The following ROCK1 variants were observed in gnomAD, a reference collection of about 807,000 sequenced individuals.
ROCK1 encodes the protein Rho associated coiled-coil containing protein kinase 1, also known as rho-associated protein kinase 1.
ROCK1 carries 36 observed loss-of-function variants against 196.8 expected under a neutral mutation model. That is an observed-to-expected ratio of 0.18 (90% confidence interval 0.14 to 0.24). ROCK1 has a LOEUF of 0.24. ROCK1 is among the 10% of genes least tolerant of loss of function. The pLI is 1.00. For missense variants in ROCK1, 920 were observed against 1,562.0 expected (o/e 0.59, Z 6.93); for synonymous variants, 443 against 515.9 (o/e 0.86, Z 1.91).
At chr18:20,990,693 C>CAAAAAAAAAAAAAAA (rs1170099682) in intron 18 of ROCK1, among the ~76,000 whole-genome samples, 1 of 22,598 alleles carries the variant, frequency 4.4e-5, no homozygotes, top group Non-Finnish European at 1.2e-4. Flanking sequence ...AACTTCGTCT[C>CAAAAAAAAAAAAAAA]AAAAAAAAAA....
intron 29 of ROCK1, among the ~76,000 whole-genome samples, chr18:20,959,085 T>TATAATATA (rs1491477779): frequency 4.7e-4 from 16 of 33,708 alleles, no homozygotes; most frequent in African/African-American, 3.2e-3. Flanking sequence ...AATATATATA[T>TATAATATA]TTTATATAAT....
At position 21,008,109 on chromosome 18, in the gene ROCK1, T is replaced by C; in HGVS notation, c.1496A>G (p.Gln499Arg). ...MLLQHRINEY[Q>R]RKAEQENEKR... ...CTCATTTTCCTGTTCAGCTTTTCTT[T>C]GGTACTCATTAATTCTATGCTGTAG... The change falls in exon 14 of 33, where the codon CAA (glutamine) becomes CGA (arginine). Residue 499 changes from glutamine (Q) to arginine (R), a missense_variant. By Grantham distance (43) the Gln-to-Arg change is conservative. Transcript: ENST00000399799. 1.9e-6 allele frequency: 3 copies of C among 1,606,762 alleles called. No individual in the cohort carries two copies. Among genetic ancestry groups the C allele is most frequent in the Non-Finnish European group, 2.6e-6 (3 of 1,175,466 alleles).
intron 1 of ROCK1, among the ~76,000 whole-genome samples, chr18:21,090,926 A>C (rs2036564357): frequency 6.6e-6 from 1 of 152,232 alleles, no homozygotes; most frequent in Non-Finnish European, 1.5e-5. Context: ...TTAGGGAAAA[A>C]AAATTAATCT....
chr18:20,952,975 G>A (rs1414757167), intron 32 of ROCK1, among the ~76,000 whole-genome samples: 1 of 152,092 alleles, frequency 6.6e-6, no homozygotes, highest in Non-Finnish European at 1.5e-5. Flanking sequence ...GCCTGTCGAG[G>A]GATGGGGGGC....
chr18:20,973,905 C>A (rs1362317670), intron 22 of ROCK1, among the ~76,000 whole-genome samples: 1 of 151,382 alleles, frequency 6.6e-6, no homozygotes. Context: ...CTCAGCCTCC[C>A]GAGTAGCTGG....
In ROCK1 at chr18:21,006,614, C is replaced by CA. The variant is rs2035771140; in HGVS notation, c.1639-18dup. On this transcript the variant is annotated splice_polypyrimidine_tract_variant and intron_variant, in intron 15 of 32. Transcript: ENST00000399799. ...TTCTTCTAGCTATTTAAAAAGAAAG[C>CA]AAAAAAATAGGTTTCTGACCAAAGT... is the stretch of plus-strand genomic sequence containing the variant. 6 of 1,597,274 alleles carry CA rather than the reference C, an allele frequency of 3.8e-6. No individual in the cohort carries two copies. The Admixed American group carries it at 9.0e-5, about 24-fold the overall frequency.
intron 22 of ROCK1, among the ~76,000 whole-genome samples, chr18:20,973,873 C>T (rs1303262425): frequency 1.3e-5 from 2 of 151,158 alleles, no homozygotes; most frequent in Admixed American, 6.6e-5. Flanking sequence ...CGGCTCCTCC[C>T]GGGTTCACGC....
chr18:21,060,925 A>G (rs1464342607), intron 2 of ROCK1, among the ~76,000 whole-genome samples: 1 of 152,100 alleles, frequency 6.6e-6, no homozygotes, highest in Non-Finnish European at 1.5e-5. Flanking sequence ...ATTGCCCCAA[A>G]CAGGAAATAA....
intron 12 of ROCK1, among the ~76,000 whole-genome samples, chr18:21,016,995 A>G (rs968423219): frequency 6.6e-6 from 1 of 151,138 alleles, no homozygotes. Flanking sequence ...AAGGTCTCTT[A>G]CCTCACGGCC....
chr18:21,052,429 G>C (rs1282314851), intron 2 of ROCK1, among the ~76,000 whole-genome samples: 1 of 152,180 alleles, frequency 6.6e-6, no homozygotes, highest in African/African-American at 2.4e-5. Context: ...AGTCATGTAA[G>C]AAACCCACTC....
chr18:21,102,841 G>T (rs1375041639), intron 1 of ROCK1, among the ~76,000 whole-genome samples: 1 of 151,954 alleles, frequency 6.6e-6, no homozygotes. Flanking sequence ...ACTTCAGCCT[G>T]GGTGACAGGG....
chr18:21,028,710 G>T, intron 10 of ROCK1, 66 bp downstream of exon 10: 2 of 1,379,706 alleles, frequency 1.4e-6, no homozygotes, highest in Non-Finnish European at 2.0e-6. Context: ...CTTTAAAAAT[G>T]ATTTTTAGAT....
rs1459707924 is a variant in ROCK1 at position 21,006,068 on chromosome 18, T to C, written c.1885+283A>G. ...AATATTCCTTCCATTGATAGATGAGTGGATGAACAAAATGTGGTATACACA... is the reference window on the plus strand; with the variant it reads ...AATATTCCTTCCATTGATAGATGAGCGGATGAACAAAATGTGGTATACACA... On this transcript the variant is annotated intron_variant, in intron 16 of 32. Transcript: ENST00000399799. Among the ~76,000 whole-genome samples the C allele has an allele frequency of 4.6e-5, 7 of 151,896 alleles. No individual in the cohort carries two copies. The East Asian group carries it at 1.3e-3, about 29-fold the overall frequency.
chr18:21,095,731 G>GA (rs574150954), intron 1 of ROCK1, among the ~76,000 whole-genome samples: 117 of 123,532 alleles, frequency 9.5e-4, no homozygotes, highest in Admixed American at 1.7e-3. Flanking sequence ...ATGGGTACAA[G>GA]AAAAAAAAAA....
intron 12 of ROCK1, among the ~76,000 whole-genome samples, chr18:21,015,747 G>A (rs1236126890): frequency 8.6e-5 from 13 of 151,720 alleles, no homozygotes; most frequent in African/African-American, 3.1e-4. Context: ...TGAGGCGGGT[G>A]GATCATCTGA....
At chr18:21,099,373 G>C (rs763211384) in intron 1 of ROCK1, among the ~76,000 whole-genome samples, 48 of 152,242 alleles carry the variant, frequency 3.2e-4, no homozygotes, top group Middle Eastern at 3.4e-3. Flanking sequence ...AAAGAGTAAA[G>C]GGAAAAGAAC....
intron 2 of ROCK1, among the ~76,000 whole-genome samples, chr18:21,051,952 A>G (rs1193673987): frequency 1.3e-5 from 2 of 152,238 alleles, no homozygotes; most frequent in Admixed American, 6.5e-5. Context: ...TGAGTTCAAT[A>G]AAGTCAAGAC....
intron 13 of ROCK1, among the ~76,000 whole-genome samples, chr18:21,008,974 GCAC>G (rs1214361367): frequency 6.6e-6 from 1 of 151,942 alleles, no homozygotes; most frequent in Admixed American, 6.6e-5. Context: ...GTTCATGTAA[GCAC>G]CACCACAACG....
intron 4 of ROCK1, among the ~76,000 whole-genome samples, 182 bp downstream of exon 4, chr18:21,048,910 G>A (rs181700379): frequency 5.3e-5 from 8 of 152,204 alleles, no homozygotes; most frequent in Admixed American, 4.6e-4. Flanking sequence ...TGGTTATTTT[G>A]TTCTAGCCTT....
Sources: gnomAD v4.1 joint callset for allele counts (sites outside exome capture counted in the v4.1 genomes callset) on GRCh38, gnomAD v4.1.1 for gene constraint, MANE v1.5 for transcripts, NCBI Gene and HGNC (gene_info 2026-07-23, HGNC 2026-07-21) for gene names.